The following SUGCT variants were observed in gnomAD, a reference collection of about 807,000 sequenced individuals.
SUGCT encodes the protein succinyl-CoA:glutarate-CoA transferase, also known as succinyl-CoA:glutarate CoA-transferase.
A neutral mutation model predicts 55.0 loss-of-function variants in SUGCT; 41 were observed. The observed-to-expected ratio is 0.74, with a 90% CI of 0.58 to 0.97. SUGCT has a LOEUF of 0.97. Ranked by LOEUF, SUGCT falls within the 50% of genes least tolerant of loss-of-function variation. The pLI, the probability that SUGCT is intolerant of heterozygous loss-of-function variation, is 0.00. For synonymous variants in SUGCT, 187 were observed against 200.4 expected (o/e 0.93, Z 0.56); for missense variants, 568 against 547.8 (o/e 1.04, Z -0.37).
intron 13 of SUGCT, among the ~76,000 whole-genome samples, chr7:40,810,942 G>C (rs534872767): frequency 6.6e-6 from 1 of 152,030 alleles, no homozygotes; most frequent in African/African-American, 2.4e-5. Flanking sequence ...TTTGTATATC[G>C]TGAAAGGTAG....
the SUGCT span, among the ~76,000 whole-genome samples, chr7:40,905,372 G>A: frequency 0.32 from 49,078 of 151,962 alleles, 8,778 homozygotes; most frequent in Admixed American, 0.44. Context: ...AGCAGAACAA[G>A]TAAATATTAA....
intron 11 of SUGCT, among the ~76,000 whole-genome samples, chr7:40,460,546 C>T (rs962277359): frequency 6.6e-6 from 1 of 152,192 alleles, no homozygotes; most frequent in African/African-American, 2.4e-5. Context: ...ATAATAGCCA[C>T]TTGTGAGAAC....
At chr7:40,173,186 C>A (rs1375519736) in intron 1 of SUGCT, among the ~76,000 whole-genome samples, 1 of 152,198 alleles carries the variant, frequency 6.6e-6, no homozygotes, top group African/African-American at 2.4e-5. Flanking sequence ...CGGAAGAGAA[C>A]CGTGGAACCC....
At chr7:40,981,969 G>A in the SUGCT span, among the ~76,000 whole-genome samples, 1 of 152,206 alleles carries the variant, frequency 6.6e-6, no homozygotes, top group African/African-American at 2.4e-5. Context: ...TTGACCAAAT[G>A]TCTGGGCATC....
intron 12 of SUGCT, 34 bp from the exon 13 acceptor site, chr7:40,749,400 T>C (rs1474070165): frequency 6.3e-7 from 1 of 1,579,538 alleles, no homozygotes. Context: ...TTTTATTTTG[T>C]AAATTATTTT....
chr7:40,581,692 T>TA (rs1316074947), intron 12 of SUGCT, among the ~76,000 whole-genome samples: 12 of 152,072 alleles, frequency 7.9e-5, no homozygotes, highest in Non-Finnish European at 1.8e-4. Flanking sequence ...GCAGAGGAAA[T>TA]AAAAAATAGG....
chr7:40,906,382 A>G, the SUGCT span, among the ~76,000 whole-genome samples: 1 of 152,198 alleles, frequency 6.6e-6, no homozygotes, highest in African/African-American at 2.4e-5. Flanking sequence ...TGAGTCTTGG[A>G]TATATTTAAT....
chr7:40,366,281 T>G (rs1286862423), intron 9 of SUGCT, among the ~76,000 whole-genome samples: 3 of 152,138 alleles, frequency 2.0e-5, no homozygotes, highest in Non-Finnish European at 4.4e-5. Context: ...GATTAAAGAC[T>G]TAAACATTAG....
chr7:40,761,149 T>TG (rs1388009165), intron 13 of SUGCT, among the ~76,000 whole-genome samples: 1 of 152,194 alleles, frequency 6.6e-6, no homozygotes. Flanking sequence ...CACTGTGTAA[T>TG]GGGGCATGTG....
At chr7:40,294,703 C>T (rs760528415) in intron 8 of SUGCT, among the ~76,000 whole-genome samples, 3 of 152,006 alleles carry the variant, frequency 2.0e-5, no homozygotes, top group Non-Finnish European at 2.9e-5. Context: ...CCCACCACCA[C>T]GCCCGGCTAG....
At position 40,454,599 on chromosome 7, in the gene SUGCT, A is replaced by G. The variant is rs1789373228; in HGVS notation, c.889-4502A>G. 4.3e-5 allele frequency among the ~76,000 whole-genome samples: 4 copies of G among 93,922 alleles called. No individual in the cohort carries two copies. The South Asian group carries it at 1.9e-3, about 45-fold the overall frequency. The allele number at this position is 93,922 out of a possible 152,430, so 61.6% of individuals were successfully genotyped here. ...CACAGTGGATACACAAAAATCATCC[A>G]GAAAAACACCCAGAGGGGGAAAAAA... On this transcript the variant is annotated intron_variant, in intron 10 of 13. Coordinates refer to ENST00000335693, the MANE Select transcript of SUGCT (RefSeq NM_001193313.2).
intron 12 of SUGCT, among the ~76,000 whole-genome samples, chr7:40,529,250 C>T (rs1793961050): frequency 6.6e-6 from 1 of 152,150 alleles, no homozygotes; most frequent in South Asian, 2.1e-4. Context: ...GTTGTAGACC[C>T]TCTTTATAGT....
intron 12 of SUGCT, among the ~76,000 whole-genome samples, chr7:40,608,114 T>G (rs1424941604): frequency 6.6e-6 from 1 of 152,250 alleles, no homozygotes; most frequent in African/African-American, 2.4e-5. Flanking sequence ...TCTGAAGCTC[T>G]TTGTATCAAA....
intron 12 of SUGCT, among the ~76,000 whole-genome samples, chr7:40,667,774 C>T (rs1801725195): frequency 6.6e-6 from 1 of 151,996 alleles, no homozygotes; most frequent in Non-Finnish European, 1.5e-5. Flanking sequence ...TTTTGTATTT[C>T]TGCAGCATTA....
At chr7:40,428,303 G>A (rs2151381991) in intron 9 of SUGCT, among the ~76,000 whole-genome samples, 1 of 152,170 alleles carries the variant, frequency 6.6e-6, no homozygotes, top group Non-Finnish European at 1.5e-5. Flanking sequence ...GCATATAGTT[G>A]GATTTTTGAA....
intron 6 of SUGCT, among the ~76,000 whole-genome samples, chr7:40,203,081 G>T (rs1490312807): frequency 1.3e-5 from 2 of 152,072 alleles, no homozygotes; most frequent in African/African-American, 4.8e-5. Context: ...ACGCTTTTTT[G>T]GAAGTCTCTC....
At chr7:40,944,699 C>T in the SUGCT span, among the ~76,000 whole-genome samples, 6 of 152,076 alleles carry the variant, frequency 3.9e-5, no homozygotes, top group South Asian at 2.1e-4. Flanking sequence ...AGTCGGGTAG[C>T]GTGATGCCTC....
At chr7:40,859,748 C>T (rs867480308) in intron 13 of SUGCT, among the ~76,000 whole-genome samples, 6 of 152,186 alleles carry the variant, frequency 3.9e-5, no homozygotes, top group Non-Finnish European at 5.9e-5. Context: ...AGCATAAGAG[C>T]GGAGAGCAAA....
chr7:40,344,913 C>A (rs533258008), intron 9 of SUGCT, among the ~76,000 whole-genome samples: 2 of 152,136 alleles, frequency 1.3e-5, no homozygotes, highest in African/African-American at 4.8e-5. Context: ...AAGCAGGAAC[C>A]GTATAAAGTG....
Sources: allele counts gnomAD v4.1 joint callset (sites outside exome capture counted in the v4.1 genomes callset), GRCh38; gene constraint gnomAD v4.1.1; transcripts MANE v1.5; gene names NCBI Gene and HGNC (gene_info 2026-07-23, HGNC 2026-07-21).